Variants in RASAL2 observed in about 807,000 individuals in gnomAD.
RASAL2 encodes ras GTPase-activating protein nGAP.
A neutral mutation model predicts 128.9 loss-of-function variants in RASAL2; 58 were observed. The observed-to-expected ratio is 0.45, with a 90% CI of 0.36 to 0.56. RASAL2 has a LOEUF of 0.56. Ranked by LOEUF, RASAL2 falls within the 20% of genes least tolerant of loss-of-function variation. The probability of loss-of-function intolerance (pLI) is 0.00; values close to 1 mark genes in which losing one functional copy is unlikely to be tolerated. For missense variants in RASAL2, 1,360 were observed against 1,601.6 expected (o/e 0.85, Z 2.57); for synonymous variants, 561 against 580.8 (o/e 0.97, Z 0.49).
intron 3 of RASAL2, among the ~76,000 whole-genome samples, chr1:178,307,552 A>G (rs1457859293): frequency 1.3e-5 from 2 of 152,194 alleles, no homozygotes; most frequent in African/African-American, 4.8e-5. Context: ...AAATTAGTAA[A>G]TAGTCATTTT....
chr1:178,150,481 C>T (rs774129308), intron 1 of RASAL2, among the ~76,000 whole-genome samples: 3 of 152,128 alleles, frequency 2.0e-5, no homozygotes, highest in African/African-American at 4.8e-5. Flanking sequence ...CCACTGCGCT[C>T]TTGGCCTGTT....
chr1:178,162,053 C>T (rs1661321470), intron 1 of RASAL2, among the ~76,000 whole-genome samples: 1 of 150,574 alleles, frequency 6.6e-6, no homozygotes, highest in Non-Finnish European at 1.5e-5. Context: ...CAAGCTCCGC[C>T]TCTCAGCTTC....
chr1:178,387,184 C>G (rs897311724), intron 3 of RASAL2, among the ~76,000 whole-genome samples: 3 of 152,116 alleles, frequency 2.0e-5, no homozygotes, highest in African/African-American at 4.8e-5. Context: ...GAGAAAGCAA[C>G]AAAGTGTAAA....
At chr1:178,326,341 A>G (rs180676084) in intron 3 of RASAL2, among the ~76,000 whole-genome samples, 12 of 152,250 alleles carry the variant, frequency 7.9e-5, no homozygotes, top group Admixed American at 6.5e-4. Context: ...CTCCCTCATA[A>G]TTATCCCTCA....
In RASAL2 at chr1:178,458,267, C is replaced by T. The variant is rs1677924195; in HGVS notation, c.2975C>T (p.Pro992Leu). 1.9e-6 allele frequency: 3 copies of T among 1,614,220 alleles called. No homozygotes were observed. The highest frequency in any genetic ancestry group is 2.2e-5 in the East Asian group (1 of 44,890). The change falls in exon 14 of 18, where the codon CCA becomes CTA. Residue 992 changes from proline to leucine, a missense_variant. Physicochemically the swap from Pro to Leu is moderately conservative, Grantham distance 98. Coordinates refer to ENST00000367649, the MANE Select transcript of RASAL2 (RefSeq NM_170692.4). ...SEDFSRRHTV[P>L]DRHIPLALPR... ...GACTTCTCCAGGCGGCACACGGTGCCAGATAGACACATACCTCTTGCTTTG... is the reference window on the plus strand; with the variant it reads ...GACTTCTCCAGGCGGCACACGGTGCTAGATAGACACATACCTCTTGCTTTG...
intron 1 of RASAL2, among the ~76,000 whole-genome samples, chr1:178,141,894 G>C (rs962177814): frequency 1.3e-5 from 2 of 152,012 alleles, no homozygotes; most frequent in East Asian, 3.9e-4. Context: ...GTGAAAGTGG[G>C]GTTTCCTTTA....
rs144335070 is a variant in RASAL2, at chr1:178,347,706, CGA to C, written c.458-42390_458-42389del. Among the ~76,000 whole-genome samples, 249 of 152,274 alleles carry C rather than the reference CGA, an allele frequency of 1.6e-3. 2 individuals are homozygous for C. The East Asian group carries it at 0.033, about 20-fold the overall frequency. ...AAAAATAGTTTTCATACCATATTGA[CGA>C]GAGTGTAAACTTGTACAGTTACTTT... is the stretch of plus-strand genomic sequence containing the variant. On this transcript the variant is annotated intron_variant, in intron 3 of 17. Transcript: ENST00000367649.
At chr1:178,286,562 C>CACCATGCCCAGCTAATTTTTTG (rs1667036491) in intron 2 of RASAL2, among the ~76,000 whole-genome samples, 1 of 152,164 alleles carries the variant, frequency 6.6e-6, no homozygotes, top group African/African-American at 2.4e-5. Flanking sequence ...AGGCATCTGT[C>CACCATGCCCAGCTAATTTTTTG]ACCATGCCCA....
At position 178,458,130 on chromosome 1, in the gene RASAL2, G is replaced by A; in HGVS notation, c.2838G>A (p.Glu946=). Residue 946 remains glutamate, a synonymous_variant, in exon 14 of 18, where the codon GAG becomes GAA. Coordinates refer to ENST00000367649, the MANE Select transcript of RASAL2 (RefSeq NM_170692.4). ...MPKASIDSSL[E]NLSTASSRSQ... ...AGGCCTCTATAGATTCCAGTTTGGAGAACCTAAGCACTGCCAGTTCCAGAA... is the reference window on the plus strand; with the variant it reads ...AGGCCTCTATAGATTCCAGTTTGGAAAACCTAAGCACTGCCAGTTCCAGAA... 2 of 1,614,170 alleles carry A rather than the reference G, an allele frequency of 1.2e-6. No individual in the cohort carries two copies. Among genetic ancestry groups the A allele is most frequent in the Non-Finnish European group, 1.7e-6 (2 of 1,180,044 alleles).
chr1:178,345,772 C>T (rs775965169), intron 3 of RASAL2, among the ~76,000 whole-genome samples: 6 of 152,016 alleles, frequency 3.9e-5, no homozygotes, highest in Non-Finnish European at 8.8e-5. Flanking sequence ...GCAAGAAGAG[C>T]CACCAAAAAT....
At position 178,442,651 on chromosome 1, in the gene RASAL2, T is replaced by A. The variant is rs771530249; in HGVS notation, c.928-24T>A. On this transcript the variant is annotated intron_variant, in intron 7 of 17. Transcript: ENST00000367649. ...TTTTTCTGCAATGTCAGCTCTGAAATTCAGCTTTGTTGCCTCTTTATAGGA... is the reference window on the plus strand; with the variant it reads ...TTTTTCTGCAATGTCAGCTCTGAAAATCAGCTTTGTTGCCTCTTTATAGGA... 1.3e-5 allele frequency: 20 copies of A among 1,553,918 alleles called. No homozygotes were observed. The East Asian group carries it at 4.1e-4, about 32-fold the overall frequency.
At position 178,238,694 on chromosome 1, in the gene RASAL2, A is replaced by G. The variant is rs534980712; in HGVS notation, c.203-44870A>G. Among the ~76,000 whole-genome samples, 21 of 152,220 alleles carry G rather than the reference A, an allele frequency of 1.4e-4. No individual in the cohort carries two copies. In the South Asian group the frequency reaches 3.7e-3, roughly 27 times the overall value. ...GTAAATAAAATTTTAGTCTTAGTCA[A>G]ATACCTTCTGTAGTTAGTAATTTCC... On this transcript the variant is annotated intron_variant, in intron 1 of 17. Coordinates refer to ENST00000367649, the MANE Select transcript of RASAL2 (RefSeq NM_170692.4).
chr1:178,405,768 T>C (rs1347830736), intron 4 of RASAL2, among the ~76,000 whole-genome samples: 1 of 152,222 alleles, frequency 6.6e-6, no homozygotes. Context: ...TTTGTTTTAA[T>C]TTGTTATAAT....
chr1:178,470,642 C>T, intron 17 of RASAL2: 1 of 1,328,408 alleles, frequency 7.5e-7, no homozygotes, highest in South Asian at 1.2e-5. Context: ...GAAGCAAAAG[C>T]AGCTGCCTAG....
intron 1 of RASAL2, among the ~76,000 whole-genome samples, chr1:178,265,115 A>G (rs888704549): frequency 1.3e-5 from 2 of 152,220 alleles, no homozygotes; most frequent in African/African-American, 4.8e-5. Flanking sequence ...GCCCCAAATC[A>G]TCTGTAATAC....
At chr1:178,180,139 A>G (rs2101926687) in intron 1 of RASAL2, among the ~76,000 whole-genome samples, 1 of 152,258 alleles carries the variant, frequency 6.6e-6, no homozygotes, top group South Asian at 2.1e-4. Flanking sequence ...GTTTCAGATT[A>G]AAAAGTCTTT....
chr1:178,471,035 G>C (rs998267046), intron 17 of RASAL2, among the ~76,000 whole-genome samples: 1 of 152,074 alleles, frequency 6.6e-6, no homozygotes, highest in Non-Finnish European at 1.5e-5. Flanking sequence ...TTAGTAGGGG[G>C]GCTGTTTGTC....
At chr1:178,401,120 C>T (rs1202236184) in intron 4 of RASAL2, among the ~76,000 whole-genome samples, 2 of 152,210 alleles carry the variant, frequency 1.3e-5, no homozygotes, top group African/African-American at 2.4e-5. Context: ...CTCATAACTT[C>T]AGCACTGACC....
intron 1 of RASAL2, among the ~76,000 whole-genome samples, chr1:178,275,316 G>A (rs1442015907): frequency 1.3e-5 from 2 of 152,192 alleles, no homozygotes; most frequent in Admixed American, 6.5e-5. Flanking sequence ...AAGTAGCTGG[G>A]ACTATAGAGG....
Sources: allele counts gnomAD v4.1 joint callset (sites outside exome capture counted in the v4.1 genomes callset), GRCh38; gene constraint gnomAD v4.1.1; transcripts MANE v1.5; gene names NCBI Gene and HGNC (gene_info 2026-07-23, HGNC 2026-07-21).